The following CENPU variants were observed in gnomAD, a reference collection of about 807,000 sequenced individuals.
CENPU encodes KSHV latent nuclear antigen interacting protein 1.
A neutral mutation model predicts 56.7 loss-of-function variants in CENPU; 46 were observed. That is an observed-to-expected ratio of 0.81 (90% CI 0.64 to 1.04). The LOEUF (loss-of-function observed/expected upper bound fraction) is 1.04. Ranked by LOEUF, CENPU falls within the 50% of genes least tolerant of loss-of-function variation. The probability of loss-of-function intolerance (pLI) is 0.00; values close to 1 mark genes in which losing one functional copy is unlikely to be tolerated. For synonymous variants in CENPU, 166 were observed against 163.0 expected (o/e 1.02, Z -0.14); for missense variants, 510 against 490.1 (o/e 1.04, Z -0.38).
intron 8 of CENPU, among the ~76,000 whole-genome samples, chr4:184,705,579 TAAAA>T (rs59492907): frequency 6.8e-4 from 102 of 149,804 alleles, no homozygotes; most frequent in Non-Finnish European, 1.1e-3. Flanking sequence ...GACATTTAAT[TAAAA>T]AAAAAAGTTG....
intron 8 of CENPU, among the ~76,000 whole-genome samples, chr4:184,708,375 A>G (rs1028527517): frequency 2.6e-5 from 4 of 152,010 alleles, no homozygotes; most frequent in Non-Finnish European, 5.9e-5. Context: ...CAGTGAATGA[A>G]GCAAAGGATA....
chr4:184,697,632 TA>T lies in CENPU; in HGVS notation c.1143+14del, dbSNP rs779885908. On this transcript the variant is annotated intron_variant, in intron 12 of 12. Coordinates refer to ENST00000281453, the MANE Select transcript of CENPU (RefSeq NM_024629.4). ...TCATCTTCTGAAGCATGGTAAAAAGTAAAATTGGAGTTACCGTTTCCTTTAC... is the reference window on the plus strand; with the variant it reads ...TCATCTTCTGAAGCATGGTAAAAAGTAAATTGGAGTTACCGTTTCCTTTAC... 4.7e-5 allele frequency: 75 copies of T among 1,611,308 alleles called. No individual in the cohort carries two copies. Among genetic ancestry groups the T allele is most frequent in the Non-Finnish European group, 6.1e-5 (72 of 1,178,780 alleles).
chr4:184,724,981 G>A lies in CENPU; in HGVS notation c.296C>T (p.Pro99Leu), dbSNP rs763922959. 1 of 1,611,368 alleles carries A rather than the reference G, an allele frequency of 6.2e-7. No individual in the cohort carries two copies. The highest frequency in any genetic ancestry group is 1.1e-5 in the South Asian group (1 of 90,720). Residue 99 changes from proline to leucine, a missense_variant, in exon 4 of 13, where the codon CCT becomes CTT. By Grantham distance (98) the Pro-to-Leu change is moderately conservative. Transcript: ENST00000281453. The part of the protein sequence containing the change: ...KHCGLSLSST[P>L]PGKEAKRSSD... The stretch of plus-strand genomic sequence containing the variant: ...CCTTCTTTTTGCTTCTTTTCCTGGA[G>A]GAGTTGAAGAGAGAGACAGTCCACA...
chr4:184,713,314 C>T (rs759561801), intron 6 of CENPU, among the ~76,000 whole-genome samples: 2 of 152,168 alleles, frequency 1.3e-5, no homozygotes, highest in Non-Finnish European at 2.9e-5. Flanking sequence ...TTGCTTGAAC[C>T]TGGCGGGAAT....
At chr4:184,700,423 C>G (rs2696054) in intron 11 of CENPU, among the ~76,000 whole-genome samples, 26,935 of 152,116 alleles carry the variant, frequency 0.18, 3,574 homozygotes, top group East Asian at 0.7. Context: ...TATTATTATG[C>G]CTATATACAA....
At chr4:184,721,313 G>A (rs1447389546) in intron 4 of CENPU, among the ~76,000 whole-genome samples, 1 of 151,826 alleles carries the variant, frequency 6.6e-6, no homozygotes, top group African/African-American at 2.4e-5. Flanking sequence ...CTAAAAGGAA[G>A]ACAGGAAGGA....
intron 2 of CENPU, 75 bp from the exon 3 acceptor site, chr4:184,729,110 T>C (rs1394205248): frequency 1.7e-6 from 2 of 1,152,782 alleles, no homozygotes; most frequent in African/African-American, 3.1e-5. Flanking sequence ...AGCAAGAATA[T>C]TCTTGTAATC....
intron 7 of CENPU, among the ~76,000 whole-genome samples, chr4:184,711,133 G>A (rs1760909887): frequency 6.6e-6 from 1 of 152,064 alleles, no homozygotes; most frequent in East Asian, 1.9e-4. Flanking sequence ...TGGGATTACG[G>A]GTGCACCCAC....
chr4:184,703,334 G>A (rs1482385805), intron 8 of CENPU, among the ~76,000 whole-genome samples: 1 of 152,218 alleles, frequency 6.6e-6, no homozygotes. Flanking sequence ...CCAAAAAGTA[G>A]CCATAAATCA....
intron 9 of CENPU, 56 bp downstream of exon 9, chr4:184,702,307 G>T (rs1486369934): frequency 6.7e-7 from 1 of 1,497,110 alleles, no homozygotes; most frequent in East Asian, 2.3e-5. Context: ...ACAATATGCT[G>T]CTACAGGATT....
intron 1 of CENPU, chr4:184,733,449 G>A (rs1761727825): frequency 1.0e-6 from 1 of 987,010 alleles, no homozygotes; most frequent in African/African-American, 1.7e-5. Context: ...CAACGAATCA[G>A]CGACCAGCAT....
At chr4:184,702,549 T>C in intron 8 of CENPU, 108 bp from the exon 9 acceptor site, 2 of 663,558 alleles carry the variant, frequency 3.0e-6, no homozygotes, top group Non-Finnish European at 4.9e-6. Context: ...ATATACCTTT[T>C]TTTATTTTAA....
chr4:184,709,977 T>C, intron 8 of CENPU, 95 bp downstream of exon 8: 1 of 477,114 alleles, frequency 2.1e-6, no homozygotes. Context: ...ACAATGACAA[T>C]GAAAATAGTA....
Position 184,697,700 on chromosome 4 carries a change from G to C in CENPU, c.1090C>G (p.Leu364Val), listed in dbSNP as rs766650187. ...TGAACATCTGAATAATCTTGATAAA[G>C]CTGTTTTAAATTAGATAAGAAATAT... is the stretch of plus-strand genomic sequence containing the variant. ...AAYFLSNLKQ[L>V]YQDYSDVQAQ... Residue 364 changes from leucine to valine, a missense_variant, in exon 12 of 13, where the codon CTT becomes GTT. Transcript: ENST00000281453. 1 of 1,612,992 alleles carries C rather than the reference G, an allele frequency of 6.2e-7. No homozygotes were observed. Among genetic ancestry groups the C allele is most frequent in the Admixed American group, 1.7e-5 (1 of 59,754 alleles).
intron 8 of CENPU, among the ~76,000 whole-genome samples, chr4:184,708,222 C>CA (rs11322939): frequency 4.0e-4 from 36 of 89,812 alleles, no homozygotes; most frequent in Middle Eastern, 6.3e-3. Context: ...GACTCCATCT[C>CA]AAAAAAAAAA....
chr4:184,695,341 T>G lies in CENPU; in HGVS notation c.1204A>C (p.Ser402Arg). ...TGATGGTTGATATTTCGCAGATGGCTTTCGGCTCCCAGAAGTGTTCTTGCT... is the reference window on the plus strand; with the variant it reads ...TGATGGTTGATATTTCGCAGATGGCGTTCGGCTCCCAGAAGTGTTCTTGCT... ...FKARTLLGAESHLRNINHQLE... is the reference protein window; with the variant it reads ...FKARTLLGAERHLRNINHQLE... The change falls in exon 13 of 13, where the codon AGC becomes CGC. Residue 402 changes from serine (S) to arginine (R), a missense_variant. By Grantham distance (110) the Ser-to-Arg change is moderately radical. Transcript: ENST00000281453. The G allele has an allele frequency of 1.9e-6, 3 of 1,613,632 alleles. No individual in the cohort carries two copies. Among genetic ancestry groups the G allele is most frequent in the Non-Finnish European group, 2.5e-6 (3 of 1,179,578 alleles).
chr4:184,700,820 C>G lies in CENPU; in HGVS notation c.986G>C (p.Arg329Pro). 1 of 1,613,268 alleles carries G rather than the reference C, an allele frequency of 6.2e-7. No individual in the cohort carries two copies. Among genetic ancestry groups the G allele is most frequent in the Non-Finnish European group, 8.5e-7 (1 of 1,179,252 alleles). ...RMIEVQDELL[R>P]LEPQLKQLQT... ...CAAACAGGATTTGACAGTATCTTAC[C>G]GAAGCAGTTCATCCTGGACTTCAAT... The change falls in exon 11 of 13, where the codon CGG (arginine) becomes CCG (proline). Residue 329 changes from arginine (R) to proline (P), a missense_variant and splice_region_variant. Transcript: ENST00000281453.
Position 184,694,491 on chromosome 4 carries a change from C to T in CENPU, c.*797G>A, listed in dbSNP as rs546675802. The T allele has an allele frequency of 6.9e-6, 11 of 1,595,874 alleles. No homozygotes were observed. The African/African-American group carries it at 9.4e-5, about 14-fold the overall frequency. On this transcript the variant is annotated 3_prime_UTR_variant, in exon 13 of 13. Coordinates refer to ENST00000281453, the MANE Select transcript of CENPU (RefSeq NM_024629.4). ...ATCCTGAGTAAATATTTTCCTATCC[C>T]ACTCTCTATCCCTTCACCACTGAAA...
chr4:184,715,932 T>G (rs1292332948), intron 6 of CENPU, among the ~76,000 whole-genome samples: 10 of 132,382 alleles, frequency 7.6e-5, no homozygotes, highest in Non-Finnish European at 1.6e-4. Flanking sequence ...TCTAGCTTTT[T>G]TTTTGTTTTT....
Sources: gnomAD v4.1 joint callset for allele counts (sites outside exome capture counted in the v4.1 genomes callset) on GRCh38, gnomAD v4.1.1 for gene constraint, MANE v1.5 for transcripts, NCBI Gene and HGNC (gene_info 2026-07-23, HGNC 2026-07-21) for gene names.